CD36: variants seen among roughly 807,000 people sequenced by gnomAD.
The protein encoded by CD36 is platelet glycoprotein 4.
In CD36, 119 loss-of-function variants were observed where a neutral mutation model predicts 55.2. The observed-to-expected ratio is 2.15, with a 90% CI of 1.86 to 2.51. The LOEUF (loss-of-function observed/expected upper bound fraction) is 2.51. Ranked by LOEUF, CD36 falls within the 30% of genes most tolerant of loss-of-function variation. CD36 has a pLI of 0.00. For missense variants in CD36, 819 were observed against 555.5 expected, an observed-to-expected ratio of 1.47 and a Z score of -4.77; for synonymous variants, 186 against 193.6, an observed-to-expected ratio of 0.96 and a Z score of 0.33.
chr7:80,627,374 C>A (rs1412873186), intron 1 of CD36, among the ~76,000 whole-genome samples: 1 of 151,856 alleles, frequency 6.6e-6, no homozygotes, highest in South Asian at 2.1e-4. Flanking sequence ...GGAATTAATT[C>A]TCATTGGAAC....
chr7:80,625,407 C>G (rs975684766), intron 1 of CD36, among the ~76,000 whole-genome samples: 1 of 152,068 alleles, frequency 6.6e-6, no homozygotes, highest in African/African-American at 2.4e-5. Context: ...GAAACTGAGC[C>G]TGATGTATTA....
intron 3 of CD36, among the ~76,000 whole-genome samples, chr7:80,649,940 G>A (rs1024678760): frequency 6.6e-6 from 1 of 152,040 alleles, no homozygotes; most frequent in African/African-American, 2.4e-5. Context: ...TCAGGCAGAT[G>A]AAAATTAAGA....
chr7:80,667,584 T>C (rs865876801), intron 8 of CD36, among the ~76,000 whole-genome samples: 1 of 151,936 alleles, frequency 6.6e-6, no homozygotes, highest in African/African-American at 2.4e-5. Flanking sequence ...ATAAAGACAC[T>C]TAAGTAAAAA....
intron 1 of CD36, among the ~76,000 whole-genome samples, chr7:80,639,356 G>T (rs1794658509): frequency 6.6e-6 from 1 of 151,896 alleles, no homozygotes; most frequent in Middle Eastern, 3.2e-3. Context: ...GAATAGCAAA[G>T]TATATTACTT....
chr7:80,670,292 G>C (rs973763177), intron 9 of CD36: 7 of 440,324 alleles, frequency 1.6e-5, no homozygotes, highest in Non-Finnish European at 2.1e-5. Context: ...TCTTTCTAAA[G>C]ACATACAGAG....
intron 1 of CD36, among the ~76,000 whole-genome samples, chr7:80,608,445 A>G (rs1792688016): frequency 6.6e-6 from 1 of 152,198 alleles, no homozygotes; most frequent in African/African-American, 2.4e-5. Flanking sequence ...TCTGTAACAC[A>G]TGGATAATAA....
chr7:80,638,014 G>A (rs1000849704), upstream of CD36, among the ~76,000 whole-genome samples: 3 of 151,674 alleles, frequency 2.0e-5, no homozygotes, highest in Non-Finnish European at 2.9e-5. Context: ...TTTTTTGTAG[G>A]AGCACTGTGC....
At chr7:80,608,530 C>A (rs749009112) in intron 1 of CD36, among the ~76,000 whole-genome samples, 1 of 152,146 alleles carries the variant, frequency 6.6e-6, no homozygotes, top group Non-Finnish European at 1.5e-5. Flanking sequence ...AAGTGTCTTG[C>A]ATATGGTAAG....
intron 3 of CD36, among the ~76,000 whole-genome samples, chr7:80,655,577 T>C (rs896808883): frequency 6.6e-6 from 1 of 152,214 alleles, no homozygotes; most frequent in Non-Finnish European, 1.5e-5. Flanking sequence ...CCTGTTTTTT[T>C]CTTTAAAAAC....
At chr7:80,628,859 A>G (rs1229151871) in intron 1 of CD36, among the ~76,000 whole-genome samples, 3 of 152,074 alleles carry the variant, frequency 2.0e-5, no homozygotes, top group East Asian at 1.9e-4. Flanking sequence ...AGGACAACTC[A>G]AAGTTGGCAG....
chr7:80,675,368 T>A (rs560380983), intron 14 of CD36, among the ~76,000 whole-genome samples: 95 of 152,298 alleles, frequency 6.2e-4, no homozygotes, highest in Non-Finnish European at 1.1e-3. Flanking sequence ...TGGGAAAGCA[T>A]GCTTAATAAA....
In CD36 at chr7:80,671,080, G is replaced by GACAACTATTGTTTCTGCACAGAAAA. The variant is rs1562821825; in HGVS notation, c.924_948dup (p.Ile317GlnfsTer44). 6.2e-7 allele frequency: 1 copy of GACAACTATTGTTTCTGCACAGAAAA among 1,612,700 alleles called. No homozygotes were observed. On this transcript the variant is annotated frameshift_variant, in exon 10 of 15. Transcript: ENST00000447544. LOFTEE classifies it high-confidence loss of function. ...CTTTGCCTCTCCAGTTGAAAACCCAGACAACTATTGTTTCTGCACAGAAAA... is the reference window on the plus strand; with the variant it reads ...CTTTGCCTCTCCAGTTGAAAACCCAGACAACTATTGTTTCTGCACAGAAAAACAACTATTGTTTCTGCACAGAAAA...
chr7:80,657,740 A>G (rs1051638405), intron 4 of CD36, among the ~76,000 whole-genome samples: 3 of 152,220 alleles, frequency 2.0e-5, no homozygotes, highest in Non-Finnish European at 4.4e-5. Flanking sequence ...TATTTATGGT[A>G]TCCATATGGA....
intron 1 of CD36, among the ~76,000 whole-genome samples, chr7:80,631,539 T>G (rs1291515880): frequency 6.6e-6 from 1 of 150,714 alleles, no homozygotes; most frequent in Non-Finnish European, 1.5e-5. Context: ...TTTACTCTAC[T>G]GCTGATAAGT....
chr7:80,607,020 G>T (rs919867195), intron 1 of CD36, among the ~76,000 whole-genome samples: 1 of 152,114 alleles, frequency 6.6e-6, no homozygotes, highest in Non-Finnish European at 1.5e-5. Flanking sequence ...ACCAGCTGAA[G>T]TTGGGAAACA....
rs143072881 is a variant in CD36 at position 80,654,337 on chromosome 7, C to A, written c.121-2203C>A. 7.2e-5 allele frequency among the ~76,000 whole-genome samples: 11 copies of A among 152,160 alleles called. No homozygotes were observed. The East Asian group carries it at 1.9e-3, about 27-fold the overall frequency. ...TAATTGTGATTTTTGTCATTAAAAT[C>A]GCAAAAACCGTAATTACTTGTGTAC... On this transcript the variant is annotated intron_variant, in intron 3 of 14. Transcript: ENST00000447544.
chr7:80,653,792 A>C (rs1374224132), intron 3 of CD36, among the ~76,000 whole-genome samples: 2 of 152,190 alleles, frequency 1.3e-5, no homozygotes, highest in East Asian at 3.8e-4. Flanking sequence ...AGTGACTACA[A>C]TTTAATACAT....
At position 80,646,808 on chromosome 7, in the gene CD36, G is replaced by A. The variant is rs765183644; in HGVS notation, c.68G>A (p.Gly23Glu). 13 of 1,613,872 alleles carry A rather than the reference G, an allele frequency of 8.1e-6. No individual in the cohort carries two copies. In the African/African-American group the frequency reaches 1.5e-4, roughly 18 times the overall value. ...AVIGAVLAVF[G>E]GILMPVGDLL... ...ATTGGTGCTGTCCTGGCTGTGTTTG[G>A]AGGTATTCTAATGCCAGTTGGAGAC... The change falls in exon 3 of 15, where the codon GGA (glycine) becomes GAA (glutamate). Residue 23 changes from glycine (G) to glutamate (E), a missense_variant. By Grantham distance (98) the Gly-to-Glu change is moderately conservative. Coordinates refer to ENST00000447544, the MANE Select transcript of CD36 (RefSeq NM_001001548.3).
intron 1 of CD36, chr7:80,639,699 G>A (rs778380210): frequency 9.2e-5 from 14 of 151,916 alleles, no homozygotes; most frequent in Admixed American, 2.0e-4. Flanking sequence ...AATGTGTGTT[G>A]AAGCTAAAAA....
Sources: gnomAD v4.1 joint callset for allele counts (sites outside exome capture counted in the v4.1 genomes callset) on GRCh38, gnomAD v4.1.1 for gene constraint, MANE v1.5 for transcripts, NCBI Gene and HGNC (gene_info 2026-07-23, HGNC 2026-07-21) for gene names.